The following FDFT1 variants were observed in gnomAD, a reference collection of about 807,000 sequenced individuals.
FDFT1 encodes farnesyl-diphosphate farnesyltransferase 1, also known as squalene synthase.
FDFT1 carries 68 observed loss-of-function variants against 46.8 expected under a neutral mutation model. The ratio of observed to expected loss-of-function variants is 1.45; its 90% CI spans 1.19 to 1.78. The LOEUF is 1.78. Ranked by LOEUF, FDFT1 falls within the 40% of genes most tolerant of loss-of-function variation. The probability of loss-of-function intolerance (pLI) is 0.00; values close to 1 mark genes in which losing one functional copy is unlikely to be tolerated. For synonymous variants in FDFT1, 351 were observed against 185.1 expected, an observed-to-expected ratio of 1.90 and a Z score of -7.28; for missense variants, 928 against 524.4, an observed-to-expected ratio of 1.77 and a Z score of -7.52.
intron 1 of FDFT1, among the ~76,000 whole-genome samples, chr8:11,806,021 T>TG (rs1394128566): frequency 6.6e-6 from 1 of 152,156 alleles, no homozygotes; most frequent in East Asian, 1.9e-4. Context: ...CTCAAGTTTG[T>TG]GGTTTTTTTC....
At chr8:11,830,090 C>T in intron 5 of FDFT1, among the ~76,000 whole-genome samples, 154 bp from the exon 6 acceptor site, 1 of 152,164 alleles carries the variant, frequency 6.6e-6, no homozygotes. Flanking sequence ...TCGTGATCCA[C>T]CCTCCTCGGC....
chr8:11,820,416 C>A lies in FDFT1; in HGVS notation c.382-1334C>A, dbSNP rs775311315. 5.9e-5 allele frequency among the ~76,000 whole-genome samples: 9 copies of A among 152,200 alleles called. No individual in the cohort carries two copies. In the East Asian group the frequency reaches 1.2e-3, roughly 20 times the overall value. On this transcript the variant is annotated intron_variant, in intron 3 of 7. Transcript: ENST00000220584. Reference sequence around the variant, plus strand: ...CAGGGATGTTTAAATCTGCAGAAGCCGTCTGCTGCCTTTTGTTTAGATATG... The same window carrying A: ...CAGGGATGTTTAAATCTGCAGAAGCAGTCTGCTGCCTTTTGTTTAGATATG...
chr8:11,830,568 G>A (rs1017074355), intron 6 of FDFT1, 148 bp downstream of exon 6: 69 of 628,570 alleles, frequency 1.1e-4, no homozygotes, highest in South Asian at 6.0e-5. Flanking sequence ...CATAGCACCC[G>A]CCTTTGCTTC....
chr8:11,821,902 G>A (rs1465590805), intron 4 of FDFT1, 24 bp downstream of exon 4: 5 of 1,607,026 alleles, frequency 3.1e-6, no homozygotes, highest in African/African-American at 1.3e-5. Context: ...AACAGTGTCT[G>A]TGTGTGATGT....
intron 5 of FDFT1, among the ~76,000 whole-genome samples, chr8:11,826,905 G>C (rs1293922799): frequency 6.6e-6 from 1 of 152,118 alleles, no homozygotes; most frequent in Non-Finnish European, 1.5e-5. Context: ...CCTGGATTAC[G>C]TCTACACAGT....
In FDFT1 at chr8:11,808,811, C is replaced by T. The variant is rs1351713578; in HGVS notation, c.117C>T (p.Ser39=). 2 of 1,613,896 alleles carry T rather than the reference C, an allele frequency of 1.2e-6. No individual in the cohort carries two copies. The highest frequency in any genetic ancestry group is 1.7e-6 in the Non-Finnish European group (2 of 1,179,974). ...PKMDQDSLSS[S]LKTCYKYLNQ... ...GCCCGCAGGACTCGCTCAGCAGCAG[C>T]CTGAAAACTTGCTACAAGTATCTCA... The change falls in exon 2 of 8, where the codon AGC becomes AGT. Residue 39 remains serine, a synonymous_variant. Transcript: ENST00000220584.
chr8:11,797,685 G>A (rs1805705056), upstream of FDFT1, among the ~76,000 whole-genome samples: 1 of 151,944 alleles, frequency 6.6e-6, no homozygotes, highest in Non-Finnish European at 1.5e-5. Flanking sequence ...AAACGGTGGG[G>A]GAGGGGAACA....
chr8:11,808,731 CACTCCCACTCCCACTCCTGCTCCT>C (rs1442002191), intron 1 of FDFT1, 39 bp from the exon 2 acceptor site: 113 of 1,575,398 alleles, frequency 7.2e-5, no homozygotes, highest in Non-Finnish European at 9.3e-5. Flanking sequence ...CTCCCACTCC[CACTCCCACTCCCACTCCTGCTCCT>C]CGACGTCTCC....
At chr8:11,819,512 G>C (rs1808928225) in intron 3 of FDFT1, among the ~76,000 whole-genome samples, 1 of 152,074 alleles carries the variant, frequency 6.6e-6, no homozygotes, top group Non-Finnish European at 1.5e-5. Flanking sequence ...TTTTCACATA[G>C]TCGCATATTT....
At position 11,838,634 on chromosome 8, in the gene FDFT1, T is replaced by A; in HGVS notation, c.*25T>A. On this transcript the variant is annotated 3_prime_UTR_variant, in exon 8 of 8. Coordinates refer to ENST00000220584, the MANE Select transcript of FDFT1 (RefSeq NM_004462.5). ...ATCCCAAATTTGTCCATAGCTGAAGTCCACCATAAAGTGGATTTACTTTTT... is the reference window on the plus strand; with the variant it reads ...ATCCCAAATTTGTCCATAGCTGAAGACCACCATAAAGTGGATTTACTTTTT... The A allele has an allele frequency of 6.5e-7, 1 of 1,549,400 alleles. No individual in the cohort carries two copies.
chr8:11,796,953 A>C (rs1041491843), intron 1 of FDFT1, among the ~76,000 whole-genome samples: 5 of 152,374 alleles, frequency 3.3e-5, no homozygotes, highest in East Asian at 1.9e-4. Flanking sequence ...AAAGCAGCTC[A>C]GGGCAGTTGT....
chr8:11,821,316 G>A (rs1209133169), intron 3 of FDFT1, among the ~76,000 whole-genome samples: 1 of 152,204 alleles, frequency 6.6e-6, no homozygotes, highest in Non-Finnish European at 1.5e-5. Flanking sequence ...CATGAGGCCG[G>A]GCTCAGTGGC....
rs959484410 is a variant in FDFT1, at chr8:11,811,449, A to T, written c.381+1599A>T. Among the ~76,000 whole-genome samples, 61 of 152,352 alleles carry T rather than the reference A, an allele frequency of 4.0e-4. No homozygotes were observed. The East Asian group carries it at 9.1e-3, about 23-fold the overall frequency. On this transcript the variant is annotated intron_variant, in intron 3 of 7. Coordinates refer to ENST00000220584, the MANE Select transcript of FDFT1 (RefSeq NM_004462.5). ...TGGGATAAATGTGTTAGGTATTGCT[A>T]AGTCAAGGCAGCCCTATCCCCTCAG...
chr8:11,830,351 C>T lies in FDFT1; in HGVS notation c.810C>T (p.Ile270=), dbSNP rs756896439. ...TTATAACCAATGCACTGCACCACAT[C>T]CCAGATGTCATCACCTACCTTTCGA... ...NELITNALHH[I]PDVITYLSRL... Residue 270 remains isoleucine, a synonymous_variant, in exon 6 of 8, where the codon ATC becomes ATT. Coordinates refer to ENST00000220584, the MANE Select transcript of FDFT1 (RefSeq NM_004462.5). The T allele has an allele frequency of 2.5e-6, 4 of 1,613,788 alleles. No individual in the cohort carries two copies. Among genetic ancestry groups the T allele is most frequent in the Non-Finnish European group, 3.4e-6 (4 of 1,179,748 alleles).
In FDFT1 at chr8:11,808,785, T is replaced by G; in HGVS notation, c.100-9T>G. ...GTCTCCCACCGCCGTGTGTGTTGTCTGCCCGCAGGACTCGCTCAGCAGCAG... is the reference window on the plus strand; with the variant it reads ...GTCTCCCACCGCCGTGTGTGTTGTCGGCCCGCAGGACTCGCTCAGCAGCAG... On this transcript the variant is annotated splice_polypyrimidine_tract_variant and intron_variant, in intron 1 of 7. Transcript: ENST00000220584. The G allele has an allele frequency of 6.2e-7, 1 of 1,612,980 alleles. No individual in the cohort carries two copies. The highest frequency in any genetic ancestry group is 1.3e-5 in the African/African-American group (1 of 75,054).
chr8:11,815,389 A>AT lies in FDFT1; in HGVS notation c.381+5540dup, dbSNP rs1808309265. On this transcript the variant is annotated intron_variant, in intron 3 of 7. Coordinates refer to ENST00000220584, the MANE Select transcript of FDFT1 (RefSeq NM_004462.5). ...TAATCCTTTGGGTATATGCCCAGTAATGGGATTGCTGGGTCAAATGGTATT... is the reference window on the plus strand; with the variant it reads ...TAATCCTTTGGGTATATGCCCAGTAATTGGGATTGCTGGGTCAAATGGTATT... Among the ~76,000 whole-genome samples, 8 of 152,312 alleles carry AT rather than the reference A, an allele frequency of 5.3e-5. No individual in the cohort carries two copies. In the South Asian group the frequency reaches 1.7e-3, roughly 32 times the overall value.
intron 1 of FDFT1, 21 bp downstream of exon 1, chr8:11,802,952 T>A (rs770544825): frequency 1.3e-6 from 2 of 1,581,208 alleles, no homozygotes; most frequent in Admixed American, 1.8e-5. Context: ...CCTCCCTGCT[T>A]GCCCGGGGCG....
In FDFT1 at chr8:11,826,229, G is replaced by C. The variant is rs1563330207; in HGVS notation, c.702+14G>C. On this transcript the variant is annotated intron_variant, in intron 5 of 7. Coordinates refer to ENST00000220584, the MANE Select transcript of FDFT1 (RefSeq NM_004462.5). ...TGGCCTCAAGAGGTAACAGATTCAG[G>C]GTATTTTGGGGGAAAATAACTTTAG... is the stretch of plus-strand genomic sequence containing the variant. The C allele has an allele frequency of 6.7e-7, 1 of 1,485,626 alleles. No individual in the cohort carries two copies. The highest frequency in any genetic ancestry group is 2.4e-5 in the East Asian group (1 of 42,444). The allele number at this position is 1,485,626 out of a possible 1,614,324, so 92.0% of individuals were successfully genotyped here.
chr8:11,814,072 C>T (rs1419141493), intron 3 of FDFT1, among the ~76,000 whole-genome samples: 1 of 152,164 alleles, frequency 6.6e-6, no homozygotes. Flanking sequence ...GTCTAAGCTC[C>T]TTCCCACCCT....
Sources: gnomAD v4.1 joint callset for allele counts (sites outside exome capture counted in the v4.1 genomes callset) on GRCh38, gnomAD v4.1.1 for gene constraint, MANE v1.5 for transcripts, NCBI Gene and HGNC (gene_info 2026-07-23, HGNC 2026-07-21) for gene names.